Variants in ITPR2 observed in about 807,000 individuals in gnomAD.
ITPR2 encodes the protein inositol 1,4,5-trisphosphate-gated calcium channel ITPR2.
ITPR2 carries 207 observed loss-of-function variants against 317.1 expected under a neutral mutation model. That is an observed-to-expected ratio of 0.65 (90% CI 0.58 to 0.73). The LOEUF (loss-of-function observed/expected upper bound fraction) is 0.73. Ranked by LOEUF, ITPR2 falls within the 30% of genes least tolerant of loss-of-function variation. ITPR2 has a pLI of 0.00. For missense variants in ITPR2, 2,613 were observed against 3,284.0 expected (o/e 0.80, Z 4.99); for synonymous variants, 1,156 against 1,149.1 (o/e 1.01, Z -0.12).
At chr12:26,622,563 T>C (rs188150884) in intron 24 of ITPR2, among the ~76,000 whole-genome samples, 158 bp from the exon 25 acceptor site, 89 of 152,300 alleles carry the variant, frequency 5.8e-4, no homozygotes, top group African/African-American at 2.1e-3. Flanking sequence ...ATGTAACTGA[T>C]GAGGAAACAA....
At chr12:26,437,145 T>C (rs1941372898) in intron 47 of ITPR2, among the ~76,000 whole-genome samples, 1 of 152,208 alleles carries the variant, frequency 6.6e-6, no homozygotes, top group South Asian at 2.1e-4. Flanking sequence ...GCATGTAAGT[T>C]TGAATGACAG....
At chr12:26,687,682 A>G (rs142098647) in intron 10 of ITPR2, among the ~76,000 whole-genome samples, 18 of 152,292 alleles carry the variant, frequency 1.2e-4, no homozygotes, top group African/African-American at 4.1e-4. Flanking sequence ...CCTCTTCTGT[A>G]AATGGTGCAC....
chr12:26,754,576 A>G (rs1017958691), intron 2 of ITPR2, among the ~76,000 whole-genome samples: 2 of 152,230 alleles, frequency 1.3e-5, no homozygotes, highest in East Asian at 1.9e-4. Context: ...GTAAAAGATT[A>G]TAAGAAGCCA....
At chr12:26,454,756 T>C (rs544524923) in intron 45 of ITPR2, among the ~76,000 whole-genome samples, 7 of 152,244 alleles carry the variant, frequency 4.6e-5, no homozygotes, top group African/African-American at 7.2e-5. Flanking sequence ...GGGTGGCTTA[T>C]GATGGACACT....
chr12:26,656,342 T>C lies in ITPR2; in HGVS notation c.2399A>G (p.Tyr800Cys). Reference protein sequence around the residue: ...DPQESVVPVRYARLWTEIPTK... With the variant: ...DPQESVVPVRCARLWTEIPTK... ...GGGGATTTCTGTCCAGAGCCTGGCATAGCGAACAGGCACCACGGACTCCTG... is the reference window on the plus strand; with the variant it reads ...GGGGATTTCTGTCCAGAGCCTGGCACAGCGAACAGGCACCACGGACTCCTG... Residue 800 changes from tyrosine (Y) to cysteine (C), a missense_variant, in exon 19 of 57, where the codon TAT becomes TGT. Physicochemically the swap from Tyr to Cys is radical, Grantham distance 194. Transcript: ENST00000381340. 1.2e-6 allele frequency: 2 copies of C among 1,614,190 alleles called. No homozygotes were observed. The highest frequency in any genetic ancestry group is 1.7e-6 in the Non-Finnish European group (2 of 1,180,020).
At chr12:26,457,470 C>T (rs1000894081) in intron 45 of ITPR2, among the ~76,000 whole-genome samples, 9 of 152,250 alleles carry the variant, frequency 5.9e-5, no homozygotes, top group African/African-American at 2.2e-4. Flanking sequence ...AGGTGTTGAG[C>T]AGAGAGGTGA....
At chr12:26,632,613 G>A (rs1424002546) in intron 21 of ITPR2, among the ~76,000 whole-genome samples, 2 of 152,144 alleles carry the variant, frequency 1.3e-5, no homozygotes, top group Non-Finnish European at 2.9e-5. Flanking sequence ...CTCATCTGGG[G>A]AAGACATATG....
At chr12:26,563,287 G>A (rs1323242056) in intron 34 of ITPR2, among the ~76,000 whole-genome samples, 2 of 152,186 alleles carry the variant, frequency 1.3e-5, no homozygotes, top group South Asian at 2.1e-4. Flanking sequence ...GAGGTAAAAC[G>A]TGGGCTGGGT....
At chr12:26,365,093 G>C (rs1938964654) in intron 55 of ITPR2, among the ~76,000 whole-genome samples, 1 of 152,194 alleles carries the variant, frequency 6.6e-6, no homozygotes, top group South Asian at 2.1e-4. Flanking sequence ...TATCACACTG[G>C]CCCAGGTAGA....
At position 26,579,953 on chromosome 12, in the gene ITPR2, G is replaced by T; in HGVS notation, c.4509+74C>A. 3.1e-6 allele frequency: 4 copies of T among 1,282,724 alleles called. No individual in the cohort carries two copies. The South Asian group carries it at 4.2e-5, about 13-fold the overall frequency. The allele number at this position is 1,282,724 out of a possible 1,614,324, so 79.5% of individuals were successfully genotyped here. On this transcript the variant is annotated intron_variant, in intron 33 of 56. Coordinates refer to ENST00000381340, the MANE Select transcript of ITPR2 (RefSeq NM_002223.4). ...TCTGAAGTGTAGGAGATGACTTCCT[G>T]ACCAGAAAAAATTTCTCCTACTCAA...
In ITPR2 at chr12:26,708,865, G is replaced by A. The variant is rs987882360; in HGVS notation, c.951+2308C>T. Among the ~76,000 whole-genome samples the A allele has an allele frequency of 2.6e-5, 4 of 152,094 alleles. No individual in the cohort carries two copies. In the East Asian group the frequency reaches 5.8e-4, roughly 22 times the overall value. On this transcript the variant is annotated intron_variant, in intron 9 of 56. Transcript: ENST00000381340. ...GTATGCCTGCATCAAGACATCACAC[G>A]TGCCCCATAAGTGTATACGTATACT...
intron 21 of ITPR2, among the ~76,000 whole-genome samples, chr12:26,633,881 C>T (rs1004860291): frequency 2.6e-5 from 4 of 152,292 alleles, no homozygotes; most frequent in African/African-American, 9.6e-5. Context: ...AAATCCTTGG[C>T]ACCCACAGTG....
chr12:26,593,882 T>C (rs1175653616), intron 32 of ITPR2, among the ~76,000 whole-genome samples: 1 of 152,228 alleles, frequency 6.6e-6, no homozygotes, highest in East Asian at 1.9e-4. Flanking sequence ...TAAAAATCCT[T>C]TCAGCTTTAT....
At chr12:26,379,888 G>A (rs1939454674) in intron 55 of ITPR2, among the ~76,000 whole-genome samples, 1 of 152,132 alleles carries the variant, frequency 6.6e-6, no homozygotes, top group Admixed American at 6.6e-5. Context: ...CCTTCACACG[G>A]AACTTCTCCT....
At position 26,347,944 on chromosome 12, in the gene ITPR2, T is replaced by C. The variant is rs550240554; in HGVS notation, c.7858-7616A>G. ...TGTAATGGAGTATTGGTAAACCATTTAATATGTACCTTCACCTGTGCATAC... is the reference window on the plus strand; with the variant it reads ...TGTAATGGAGTATTGGTAAACCATTCAATATGTACCTTCACCTGTGCATAC... On this transcript the variant is annotated intron_variant, in intron 55 of 56. Transcript: ENST00000381340. Among the ~76,000 whole-genome samples the C allele has an allele frequency of 3.9e-5, 6 of 152,354 alleles. No homozygotes were observed. The South Asian group carries it at 1.2e-3, about 32-fold the overall frequency.
chr12:26,722,568 G>A lies in ITPR2; in HGVS notation c.367-13C>T, dbSNP rs1186188008. On this transcript the variant is annotated splice_polypyrimidine_tract_variant and intron_variant, in intron 4 of 56. Coordinates refer to ENST00000381340, the MANE Select transcript of ITPR2 (RefSeq NM_002223.4). ...TTATATGCAGTAGCTATAGGGAAAAGACATAGATTACCACCTTTATTCTTT... is the reference window on the plus strand; with the variant it reads ...TTATATGCAGTAGCTATAGGGAAAAAACATAGATTACCACCTTTATTCTTT... 6.3e-7 allele frequency: 1 copy of A among 1,594,728 alleles called. No homozygotes were observed. The highest frequency in any genetic ancestry group is 1.1e-5 in the South Asian group (1 of 89,846).
chr12:26,519,497 T>C (rs1943611490), intron 37 of ITPR2, among the ~76,000 whole-genome samples: 1 of 152,228 alleles, frequency 6.6e-6, no homozygotes, highest in South Asian at 2.1e-4. Context: ...AAAGTAAGTA[T>C]AATAAATAGA....
chr12:26,340,373 G>A (rs767801653), intron 55 of ITPR2, 45 bp from the exon 56 acceptor site: 3 of 1,532,020 alleles, frequency 2.0e-6, no homozygotes, highest in Non-Finnish European at 2.6e-6. Context: ...AAGTATGGAA[G>A]GGGAGAATGT....
Position 26,656,311 on chromosome 12 carries a change from C to T in ITPR2, c.2430G>A (p.Lys810=), listed in dbSNP as rs1284197638. 2 of 1,614,138 alleles carry T rather than the reference C, an allele frequency of 1.2e-6. No individual in the cohort carries two copies. Among genetic ancestry groups the T allele is most frequent in the Non-Finnish European group, 1.7e-6 (2 of 1,180,034 alleles). ...YARLWTEIPT[K]ITIHEYDSIT... ...TCCAAACATACTCATGAATTGTGAT[C>T]TTTGTGGGGATTTCTGTCCAGAGCC... is the stretch of plus-strand genomic sequence containing the variant. The change falls in exon 19 of 57, where the codon AAG becomes AAA. Residue 810 remains lysine (K), a synonymous_variant. Transcript: ENST00000381340.
Sources: allele counts gnomAD v4.1 joint callset (sites outside exome capture counted in the v4.1 genomes callset), GRCh38; gene constraint gnomAD v4.1.1; transcripts MANE v1.5; gene names NCBI Gene and HGNC (gene_info 2026-07-23, HGNC 2026-07-21).